Variants in TMEM163 observed in about 807,000 individuals in gnomAD.
TMEM163 encodes the protein transmembrane protein 163.
In TMEM163, 17 loss-of-function variants were observed where a neutral mutation model predicts 29.3. The ratio of observed to expected loss-of-function variants is 0.58; its 90% CI spans 0.40 to 0.87. The LOEUF is 0.87. Ranked by LOEUF, TMEM163 falls within the 40% of genes least tolerant of loss-of-function variation. The pLI, the probability that TMEM163 is intolerant of heterozygous loss-of-function variation, is 0.00. For missense variants in TMEM163, 303 were observed against 381.5 expected (o/e 0.79, Z 1.71); for synonymous variants, 157 against 160.6 (o/e 0.98, Z 0.17).
intron 2 of TMEM163, among the ~76,000 whole-genome samples, chr2:134,573,999 C>T (rs886206069): frequency 6.6e-6 from 1 of 152,212 alleles, no homozygotes; most frequent in Non-Finnish European, 1.5e-5. Context: ...TCCAGAGCCT[C>T]TGGCTACTGC....
intron 4 of TMEM163, among the ~76,000 whole-genome samples, chr2:134,508,034 C>T (rs1679864997): frequency 6.6e-6 from 1 of 152,172 alleles, no homozygotes; most frequent in South Asian, 2.1e-4. Context: ...TCTCTAGAAG[C>T]ATCAGTTTTT....
rs1685101433 is a variant in TMEM163, at chr2:134,718,888, G to A, written c.48C>T (p.Thr16=). 23 of 1,094,862 alleles carry A rather than the reference G, an allele frequency of 2.1e-5. No individual in the cohort carries two copies. Among genetic ancestry groups the A allele is most frequent in the African/African-American group, 3.4e-5 (2 of 59,594 alleles). 67.8% of individuals were successfully genotyped at this position (1,094,862 alleles called of 1,614,324 possible). Residue 16 remains threonine (T), a synonymous_variant, in exon 1 of 8, where the codon ACC becomes ACT. Coordinates refer to ENST00000281924, the MANE Select transcript of TMEM163 (RefSeq NM_030923.5). ...CGTGGCCCCGGGGCGGCGGCGGGAC[G>A]GTGGGCCCCTGGGAGCTGCGGCGCT... The part of the protein sequence containing the change: ...GIQRRSSQGP[T]VPPPPRGHAP...
intron 2 of TMEM163, among the ~76,000 whole-genome samples, chr2:134,631,801 A>G (rs1291894647): frequency 6.6e-6 from 1 of 152,276 alleles, no homozygotes; most frequent in Non-Finnish European, 1.5e-5. Context: ...CTGAATGAGA[A>G]GCCTGTTACA....
In TMEM163 at chr2:134,714,563, A is replaced by G. The variant is rs1441139848; in HGVS notation, c.203-1244T>C. ...TTCTCAGTTCCATTTATAACCCAGA[A>G]TTGAGCATCGCTGAACAAGTCCTGA... On this transcript the variant is annotated intron_variant, in intron 1 of 7. Coordinates refer to ENST00000281924, the MANE Select transcript of TMEM163 (RefSeq NM_030923.5). 2.0e-5 allele frequency among the ~76,000 whole-genome samples: 3 copies of G among 152,214 alleles called. No individual in the cohort carries two copies. The East Asian group carries it at 5.8e-4, about 29-fold the overall frequency.
At chr2:134,589,450 C>A (rs773286657) in intron 2 of TMEM163, among the ~76,000 whole-genome samples, 1 of 152,142 alleles carries the variant, frequency 6.6e-6, no homozygotes, top group Non-Finnish European at 1.5e-5. Flanking sequence ...ACCAAGAAGG[C>A]GATGAAAGTG....
intron 5 of TMEM163, 168 bp from the exon 6 acceptor site, chr2:134,466,393 G>C (rs187475818): frequency 1.8e-6 from 1 of 565,834 alleles, no homozygotes; most frequent in African/African-American, 1.9e-5. Context: ...GTGTCACCAG[G>C]AATTGGAAAA....
intron 4 of TMEM163, among the ~76,000 whole-genome samples, chr2:134,539,727 C>T (rs1368949441): frequency 6.6e-6 from 1 of 152,150 alleles, no homozygotes. Context: ...TGTCCAGTAG[C>T]AAACACACTG....
intron 4 of TMEM163, among the ~76,000 whole-genome samples, chr2:134,516,712 C>T (rs200427265): frequency 4.1e-5 from 3 of 72,848 alleles, no homozygotes; most frequent in Non-Finnish European, 1.0e-4. Flanking sequence ...TTCATATATA[C>T]ATATATATTC....
chr2:134,621,888 C>T (rs925688458), intron 2 of TMEM163, among the ~76,000 whole-genome samples: 1 of 151,620 alleles, frequency 6.6e-6, no homozygotes, highest in Non-Finnish European at 1.5e-5. Flanking sequence ...GAGACTCCAT[C>T]TCAAAAAAAT....
chr2:134,515,281 T>C (rs1680034321), intron 4 of TMEM163, among the ~76,000 whole-genome samples: 1 of 152,286 alleles, frequency 6.6e-6, no homozygotes, highest in East Asian at 1.9e-4. Context: ...CCGTGGTCTC[T>C]GAACTCTCAC....
chr2:134,524,514 A>G (rs1680252273), intron 4 of TMEM163, among the ~76,000 whole-genome samples: 1 of 149,780 alleles, frequency 6.7e-6, no homozygotes, highest in Non-Finnish European at 1.5e-5. Context: ...ATTTATCCTG[A>G]TGCCCTCCCC....
intron 2 of TMEM163, among the ~76,000 whole-genome samples, chr2:134,613,664 CA>C (rs775581089): frequency 2.0e-5 from 3 of 151,972 alleles, no homozygotes; most frequent in African/African-American, 4.8e-5. Context: ...CTATATCCAG[CA>C]AAATTGTCCT....
rs1189933758 is a variant in TMEM163 at position 134,684,877 on chromosome 2, T to C, written c.322+28323A>G. Among the ~76,000 whole-genome samples the C allele has an allele frequency of 6.0e-5, 9 of 149,008 alleles. No individual in the cohort carries two copies. The East Asian group carries it at 1.8e-3, about 30-fold the overall frequency. Reference sequence around the variant, plus strand: ...GGCGGAGGTTGCAGTGAGCCAAGATTGTGCCACGGCACTCCAGCCTGGGAG... The same window carrying C: ...GGCGGAGGTTGCAGTGAGCCAAGATCGTGCCACGGCACTCCAGCCTGGGAG... On this transcript the variant is annotated intron_variant, in intron 2 of 7. Coordinates refer to ENST00000281924, the MANE Select transcript of TMEM163 (RefSeq NM_030923.5).
rs571290302 is a variant in TMEM163 at position 134,482,551 on chromosome 2, C to T, written c.556-16326G>A. 2.3e-3 allele frequency among the ~76,000 whole-genome samples: 357 copies of T among 152,326 alleles called. 1 individual carries two copies. The highest frequency in any genetic ancestry group is 8.1e-3 in the African/African-American group (338 of 41,568). On this transcript the variant is annotated intron_variant, in intron 5 of 7. Coordinates refer to ENST00000281924, the MANE Select transcript of TMEM163 (RefSeq NM_030923.5). ...TGTTAGAGTATTACCCAGGGAAATG[C>T]TAATGCTGGCTGAATAGTAAATGAA...
chr2:134,557,625 T>G (rs1681075773), intron 2 of TMEM163, among the ~76,000 whole-genome samples: 1 of 152,270 alleles, frequency 6.6e-6, no homozygotes, highest in African/African-American at 2.4e-5. Flanking sequence ...TTTAAAGTCT[T>G]TGATTAGCCT....
At position 134,554,422 on chromosome 2, in the gene TMEM163, C is replaced by CAAAAAAAA. The variant is rs941286100; in HGVS notation, c.323-2339_323-2332dup. On this transcript the variant is annotated intron_variant, in intron 2 of 7. Coordinates refer to ENST00000281924, the MANE Select transcript of TMEM163 (RefSeq NM_030923.5). ...TTGGTGACAGAGCGAGACCCCATCT[C>CAAAAAAAA]AAAAAAAAAAAAAAAAAAAAAAAAA... 5.7e-4 allele frequency among the ~76,000 whole-genome samples: 12 copies of CAAAAAAAA among 21,142 alleles called. 1 individual carries two copies. The highest frequency in any genetic ancestry group is 1.6e-3 in the African/African-American group (12 of 7,426). 13.9% of individuals were successfully genotyped at this position (21,142 alleles called of 152,430 possible).
At chr2:134,459,748 C>T (rs889021436) in intron 6 of TMEM163, among the ~76,000 whole-genome samples, 6 of 152,080 alleles carry the variant, frequency 3.9e-5, no homozygotes, top group African/African-American at 1.4e-4. Context: ...CCACACCCCC[C>T]TCCCCAGGCT....
chr2:134,555,511 G>A (rs562897998), intron 2 of TMEM163, among the ~76,000 whole-genome samples: 2 of 152,328 alleles, frequency 1.3e-5, no homozygotes, highest in South Asian at 2.1e-4. Context: ...AACAAGGGCC[G>A]TTCTGAACTC....
At chr2:134,566,137 A>T (rs541333071) in intron 2 of TMEM163, among the ~76,000 whole-genome samples, 1 of 152,372 alleles carries the variant, frequency 6.6e-6, no homozygotes, top group Admixed American at 6.5e-5. Context: ...TTAAAAGCCC[A>T]AGAGCCTAAA....
Sources: gnomAD v4.1 joint callset for allele counts (sites outside exome capture counted in the v4.1 genomes callset) on GRCh38, gnomAD v4.1.1 for gene constraint, MANE v1.5 for transcripts, NCBI Gene and HGNC (gene_info 2026-07-23, HGNC 2026-07-21) for gene names.